Variants in PTPRD observed in about 807,000 individuals in gnomAD.
PTPRD encodes the protein receptor-type tyrosine-protein phosphatase delta.
PTPRD carries 34 observed loss-of-function variants against 214.5 expected under a neutral mutation model. The observed-to-expected ratio is 0.16, with a 90% CI of 0.12 to 0.21. The LOEUF is 0.21. Among genes scored for constraint, PTPRD ranks in the 10% least tolerant of loss-of-function variants. PTPRD has a pLI of 1.00. For missense variants in PTPRD, 2,545 were observed against 2,398.7 expected (o/e 1.06, Z -1.27); for synonymous variants, 1,128 against 845.7 (o/e 1.33, Z -5.79).
chr9:9,764,564 G>T (rs1186983874), intron 6 of PTPRD, among the ~76,000 whole-genome samples: 2 of 152,046 alleles, frequency 1.3e-5, no homozygotes, highest in Admixed American at 6.6e-5. Context: ...TTATTATTAA[G>T]AAGTTTAAAA....
At chr9:9,824,938 G>A (rs2052186148) in intron 5 of PTPRD, among the ~76,000 whole-genome samples, 1 of 151,990 alleles carries the variant, frequency 6.6e-6, no homozygotes, top group African/African-American at 2.4e-5. Flanking sequence ...TCTGGTACCA[G>A]ATGATCTGGT....
intron 9 of PTPRD, among the ~76,000 whole-genome samples, chr9:9,370,214 T>G (rs1405238865): frequency 3.3e-5 from 5 of 152,172 alleles, no homozygotes; most frequent in African/African-American, 9.7e-5. Flanking sequence ...TATGGCCATT[T>G]TCACGATATT....
intron 2 of PTPRD, among the ~76,000 whole-genome samples, chr9:10,563,399 A>G (rs1009998207): frequency 2.6e-5 from 4 of 152,168 alleles, no homozygotes; most frequent in Non-Finnish European, 4.4e-5. Flanking sequence ...AGCCATATGT[A>G]CACTTGTGAC....
At chr9:8,941,158 A>G (rs532241226) in intron 11 of PTPRD, among the ~76,000 whole-genome samples, 3 of 152,318 alleles carry the variant, frequency 2.0e-5, no homozygotes, top group Non-Finnish European at 4.4e-5. Flanking sequence ...CACATCTATT[A>G]TTCTAAAATC....
At chr9:8,776,675 T>C (rs1027285298) in intron 11 of PTPRD, among the ~76,000 whole-genome samples, 1 of 151,614 alleles carries the variant, frequency 6.6e-6, no homozygotes. Flanking sequence ...GCAGTATGAG[T>C]GATAGCCACA....
intron 4 of PTPRD, among the ~76,000 whole-genome samples, chr9:10,008,967 G>T (rs1359183477): frequency 6.6e-6 from 1 of 150,704 alleles, no homozygotes; most frequent in African/African-American, 2.5e-5. Context: ...ACAAATGATT[G>T]GATTTTATTT....
chr9:9,506,954 T>G (rs2096584782), intron 8 of PTPRD, among the ~76,000 whole-genome samples: 1 of 151,482 alleles, frequency 6.6e-6, no homozygotes, highest in Admixed American at 6.6e-5. Context: ...ATTCTATTTC[T>G]AGAAGTTAAA....
At chr9:9,118,519 A>G (rs2099814466) in intron 10 of PTPRD, among the ~76,000 whole-genome samples, 2 of 152,312 alleles carry the variant, frequency 1.3e-5, no homozygotes, top group African/African-American at 4.8e-5. Context: ...CTTTATGTCA[A>G]GAATCTAAAT....
intron 12 of PTPRD, among the ~76,000 whole-genome samples, chr9:8,726,045 ACAC>A (rs2098553795): frequency 4.8e-5 from 7 of 147,300 alleles, no homozygotes; most frequent in Non-Finnish European, 8.8e-5. Flanking sequence ...ACACACACAC[ACAC>A]ACACACACAC....
At chr9:9,559,283 C>T (rs908188374) in intron 8 of PTPRD, among the ~76,000 whole-genome samples, 3 of 152,238 alleles carry the variant, frequency 2.0e-5, no homozygotes, top group Non-Finnish European at 2.9e-5. Context: ...CAGTTACTAA[C>T]TGCTTCCCAG....
chr9:9,452,536 GA>G (rs1288087860), intron 8 of PTPRD, among the ~76,000 whole-genome samples: 1 of 150,836 alleles, frequency 6.6e-6, no homozygotes, highest in Non-Finnish European at 1.5e-5. Flanking sequence ...AAGAAGTAAA[GA>G]AAAACCACAG....
At chr9:10,444,294 A>G (rs1246589422) in intron 2 of PTPRD, among the ~76,000 whole-genome samples, 6 of 151,884 alleles carry the variant, frequency 4.0e-5, no homozygotes, top group Non-Finnish European at 2.9e-5. Context: ...GACAATATCT[A>G]AATTTTAAGT....
chr9:8,460,276 C>T (rs1202489525), intron 33 of PTPRD, 135 bp downstream of exon 33: 1 of 1,100,356 alleles, frequency 9.1e-7, no homozygotes, highest in South Asian at 1.3e-5. Flanking sequence ...AATGTAAACA[C>T]TTTTCCAAAA....
intron 4 of PTPRD, among the ~76,000 whole-genome samples, chr9:9,947,471 T>TATTA (rs376942767): frequency 0.2 from 4,727 of 23,920 alleles, 712 homozygotes; most frequent in African/African-American, 0.47. Flanking sequence ...ATACTATATA[T>TATTA]TATATATATT....
intron 3 of PTPRD, among the ~76,000 whole-genome samples, chr9:10,135,926 A>C (rs1220492854): frequency 6.7e-6 from 1 of 149,264 alleles, no homozygotes; most frequent in African/African-American, 2.5e-5. Context: ...TGAAAAGCAC[A>C]GAATTGTAAG....
At chr9:8,520,386 T>C (rs752281491) in intron 20 of PTPRD, among the ~76,000 whole-genome samples, 38 of 152,158 alleles carry the variant, frequency 2.5e-4, no homozygotes, top group South Asian at 1.5e-3. Flanking sequence ...TTATAACGTG[T>C]ATTGCATTTT....
At chr9:9,992,352 T>C (rs1276778922) in intron 4 of PTPRD, among the ~76,000 whole-genome samples, 3 of 152,158 alleles carry the variant, frequency 2.0e-5, no homozygotes, top group African/African-American at 7.2e-5. Context: ...TTATCAGTCA[T>C]CATTGGAAAC....
At chr9:9,297,862 A>T (rs1953693126) in intron 9 of PTPRD, among the ~76,000 whole-genome samples, 1 of 151,714 alleles carries the variant, frequency 6.6e-6, no homozygotes, top group Non-Finnish European at 1.5e-5. Flanking sequence ...ACTATGTGTC[A>T]TCTACTGTTT....
At chr9:10,368,548 G>C (rs1337633168) in intron 2 of PTPRD, among the ~76,000 whole-genome samples, 3 of 152,028 alleles carry the variant, frequency 2.0e-5, no homozygotes, top group Non-Finnish European at 2.9e-5. Flanking sequence ...TGTCATTAAA[G>C]TAATAGAGTT....
Sources: gnomAD v4.1 joint callset for allele counts (sites outside exome capture counted in the v4.1 genomes callset) on GRCh38, gnomAD v4.1.1 for gene constraint, MANE v1.5 for transcripts, NCBI Gene and HGNC (gene_info 2026-07-23, HGNC 2026-07-21) for gene names.